The following RIMS2 variants were observed in gnomAD, a reference collection of about 807,000 sequenced individuals.
RIMS2 encodes the protein regulating synaptic membrane exocytosis 2.
Under a neutral mutation model 174.4 loss-of-function variants are expected in RIMS2, and 59 were observed. That is an observed-to-expected ratio of 0.34 (90% confidence interval 0.27 to 0.42). The LOEUF (loss-of-function observed/expected upper bound fraction) is 0.42, where lower values mean the gene tolerates loss of function less well. Ranked by LOEUF, RIMS2 falls within the 10% of genes least tolerant of loss-of-function variation. RIMS2 has a pLI of 1.00. For missense variants in RIMS2, 1,620 were observed against 1,666.3 expected (o/e 0.97, Z 0.48); for synonymous variants, 606 against 572.5 (o/e 1.06, Z -0.84).
At chr8:103,619,209 A>T (rs1247504598) in intron 1 of RIMS2, among the ~76,000 whole-genome samples, 1 of 151,958 alleles carries the variant, frequency 6.6e-6, no homozygotes, top group Non-Finnish European at 1.5e-5. Context: ...ATGAAGTAAG[A>T]GTATCTTAGA....
intron 1 of RIMS2, among the ~76,000 whole-genome samples, chr8:103,563,366 C>G (rs1402272127): frequency 6.6e-6 from 1 of 152,190 alleles, no homozygotes; most frequent in Admixed American, 6.5e-5. Context: ...TCATCTCTCT[C>G]AAGTTCAAAG....
At chr8:103,764,538 G>T (rs1452823790) in intron 2 of RIMS2, among the ~76,000 whole-genome samples, 1 of 152,146 alleles carries the variant, frequency 6.6e-6, no homozygotes, top group Non-Finnish European at 1.5e-5. Flanking sequence ...TGAGACTGTT[G>T]ATGGGTTAGA....
intron 19 of RIMS2, among the ~76,000 whole-genome samples, chr8:104,155,066 C>A (rs1430180926): frequency 8.6e-5 from 13 of 151,874 alleles, no homozygotes; most frequent in Admixed American, 8.5e-4. Context: ...AGGTCTCATG[C>A]CTTTCTGGGG....
At chr8:104,016,949 C>T (rs1272102756) in intron 19 of RIMS2, among the ~76,000 whole-genome samples, 1 of 151,782 alleles carries the variant, frequency 6.6e-6, no homozygotes, top group African/African-American at 2.4e-5. Context: ...TTTAAAGTCC[C>T]CAATTGTGAT....
At chr8:103,783,506 T>G (rs2154434513) in intron 3 of RIMS2, among the ~76,000 whole-genome samples, 1 of 150,836 alleles carries the variant, frequency 6.6e-6, no homozygotes, top group South Asian at 2.1e-4. Flanking sequence ...CACCTATGAG[T>G]GAGAATATGT....
chr8:104,173,751 C>T (rs1387206969), intron 19 of RIMS2, among the ~76,000 whole-genome samples: 2 of 148,104 alleles, frequency 1.4e-5, no homozygotes, highest in Non-Finnish European at 3.0e-5. Context: ...GCTTCAGCCT[C>T]CCGAGTAGCT....
chr8:104,069,787 A>G (rs1414583355), intron 19 of RIMS2, among the ~76,000 whole-genome samples: 2 of 152,068 alleles, frequency 1.3e-5, no homozygotes, highest in Middle Eastern at 3.2e-3. Flanking sequence ...CTTGTACTCC[A>G]TTACCTTTTT....
intron 3 of RIMS2, among the ~76,000 whole-genome samples, chr8:103,834,758 T>TCTCTC (rs2098858735): frequency 7.7e-6 from 1 of 130,268 alleles, no homozygotes; most frequent in African/African-American, 2.8e-5. Context: ...CTCTTTCTTT[T>TCTCTC]TCTCTCTCTC....
intron 19 of RIMS2, among the ~76,000 whole-genome samples, chr8:104,243,496 C>T (rs1444956719): frequency 6.6e-6 from 1 of 152,052 alleles, no homozygotes; most frequent in Non-Finnish European, 1.5e-5. Context: ...ACCAGCCTGG[C>T]CAACATAGCG....
At chr8:103,777,721 T>C (rs185366390) in intron 3 of RIMS2, among the ~76,000 whole-genome samples, 34 of 152,150 alleles carry the variant, frequency 2.2e-4, no homozygotes, top group Non-Finnish European at 3.5e-4. Context: ...TATTTCATCA[T>C]TTGATTTCAT....
intron 1 of RIMS2, among the ~76,000 whole-genome samples, chr8:103,613,777 A>G (rs2095441766): frequency 6.6e-6 from 1 of 152,088 alleles, no homozygotes; most frequent in South Asian, 2.1e-4. Flanking sequence ...CAAAGCTAGT[A>G]CTGGATTCTT....
chr8:103,724,535 T>G (rs1184722724), intron 2 of RIMS2, among the ~76,000 whole-genome samples: 1 of 152,188 alleles, frequency 6.6e-6, no homozygotes, highest in Non-Finnish European at 1.5e-5. Flanking sequence ...TTGTTACATA[T>G]AGTAAAAGTT....
intron 15 of RIMS2, among the ~76,000 whole-genome samples, chr8:103,968,653 C>G (rs1481157184): frequency 6.6e-6 from 1 of 151,982 alleles, no homozygotes; most frequent in African/African-American, 2.4e-5. Context: ...CTTCTTGTAT[C>G]ATTGCTGTCA....
chr8:103,931,237 G>A, intron 11 of RIMS2, 26 bp from the exon 14 acceptor site: 2 of 1,546,322 alleles, frequency 1.3e-6, no homozygotes, highest in Non-Finnish European at 1.8e-6. Flanking sequence ...TGTTTGAATT[G>A]ATAAATGAAT....
chr8:103,922,222 T>C (rs911540493), intron 10 of RIMS2, among the ~76,000 whole-genome samples: 7 of 152,054 alleles, frequency 4.6e-5, no homozygotes, highest in East Asian at 3.9e-4. Context: ...ATAGTAATCA[T>C]TGGAGTTGAA....
At position 103,587,462 on chromosome 8, in the gene RIMS2, AAGAAAG is replaced by A. The variant is rs200754168; in HGVS notation, c.176+86402_176+86407del. Among the ~76,000 whole-genome samples, 76 of 104,878 alleles carry A rather than the reference AAGAAAG, an allele frequency of 7.2e-4. 1 individual carries two copies. Among genetic ancestry groups the A allele is most frequent in the Non-Finnish European group, 1.2e-3 (57 of 48,856 alleles). The allele number at this position is 104,878 out of a possible 152,430, so 68.8% of individuals were successfully genotyped here. A position where few individuals can be genotyped will look rare whatever the true frequency, so the allele number is the denominator to read the frequency against. Reference sequence around the variant, plus strand: ...AAAGAAAGAAAGAAAGAAAGAAAGAAAGAAAGAAACTATGCACCAATATTTCTGATG... The same window carrying A: ...AAAGAAAGAAAGAAAGAAAGAAAGAAAAACTATGCACCAATATTTCTGATG... On this transcript the variant is annotated intron_variant, in intron 1 of 23. Transcript: ENST00000504942.
chr8:104,173,906 G>A lies in RIMS2; in HGVS notation c.3335-71010G>A, dbSNP rs564945022. Among the ~76,000 whole-genome samples, 19 of 137,900 alleles carry A rather than the reference G, an allele frequency of 1.4e-4. No individual in the cohort carries two copies. In the South Asian group the frequency reaches 4.6e-3, roughly 34 times the overall value. 90.5% of individuals were successfully genotyped at this position (137,900 alleles called of 152,430 possible). A position where few individuals can be genotyped will look rare whatever the true frequency, so the allele number is the denominator to read the frequency against. ...AAGAGTTTCATGGTCTAGAAGTAATGGGTAATGTTAAAGGATTTATTTATT... is the reference window on the plus strand; with the variant it reads ...AAGAGTTTCATGGTCTAGAAGTAATAGGTAATGTTAAAGGATTTATTTATT... On this transcript the variant is annotated intron_variant, in intron 19 of 23. Transcript: ENST00000504942.
In RIMS2 at chr8:103,542,074, A is replaced by C. The variant is rs555945335; in HGVS notation, c.176+41012A>C. 2.6e-5 allele frequency among the ~76,000 whole-genome samples: 4 copies of C among 152,220 alleles called. No individual in the cohort carries two copies. In the Middle Eastern group the frequency reaches 0.014, roughly 518 times the overall value. ...ACCAAGAGCAAGGTTAGAGGGAAGGAAATAGTAAACTGACAAAACTTTAGC... is the reference window on the plus strand; with the variant it reads ...ACCAAGAGCAAGGTTAGAGGGAAGGCAATAGTAAACTGACAAAACTTTAGC... On this transcript the variant is annotated intron_variant, in intron 1 of 23. Coordinates refer to ENST00000504942, the Ensembl canonical transcript of RIMS2.
intron 19 of RIMS2, among the ~76,000 whole-genome samples, chr8:104,226,142 A>G (rs1451498776): frequency 1.3e-5 from 2 of 152,228 alleles, no homozygotes; most frequent in Non-Finnish European, 2.9e-5. Context: ...ATTTATAAAG[A>G]AAATCCATCC....
Sources: gnomAD v4.1 joint callset for allele counts (sites outside exome capture counted in the v4.1 genomes callset) on GRCh38, gnomAD v4.1.1 for gene constraint, MANE v1.5 for transcripts, NCBI Gene and HGNC (gene_info 2026-07-23, HGNC 2026-07-21) for gene names.